Variants in G3BP1 observed in about 807,000 individuals in gnomAD.
G3BP1 encodes the protein G3BP stress granule assembly factor 1.
G3BP1 carries 35 observed loss-of-function variants against 58.6 expected under a neutral mutation model. The ratio of observed to expected loss-of-function variants is 0.60; its 90% CI spans 0.46 to 0.79. The LOEUF (loss-of-function observed/expected upper bound fraction) is 0.79, where lower values mean the gene tolerates loss of function less well. Among genes scored for constraint, G3BP1 ranks in the 30% least tolerant of loss-of-function variants. The pLI is 0.00. For synonymous variants in G3BP1, 191 were observed against 195.4 expected, an observed-to-expected ratio of 0.98 and a Z score of 0.19; for missense variants, 523 against 580.8, an observed-to-expected ratio of 0.90 and a Z score of 1.02.
chr5:151,781,244 G>T (rs1055093830), intron 1 of G3BP1, among the ~76,000 whole-genome samples: 1 of 152,018 alleles, frequency 6.6e-6, no homozygotes, highest in Admixed American at 6.6e-5. Flanking sequence ...GACCATTCAG[G>T]GCACCATTTG....
rs1381299825 is a variant in G3BP1, at chr5:151,810,965, A to G, written c.*6874A>G. The G allele has an allele frequency of 2.0e-5, 3 of 152,192 alleles. No individual in the cohort carries two copies. Among genetic ancestry groups the G allele is most frequent in the Non-Finnish European group, 4.4e-5 (3 of 68,026 alleles). 9.4% of individuals were successfully genotyped at this position (152,192 alleles called of 1,614,324 possible). On this transcript the variant is annotated 3_prime_UTR_variant, in exon 12 of 12. Coordinates refer to ENST00000356245, the MANE Select transcript of G3BP1 (RefSeq NM_005754.3). ...GTTTGTTTCTATGCAGAAGAATTTTATATGAAATTTTCATTTCTTTGCAAA... is the reference window on the plus strand; with the variant it reads ...GTTTGTTTCTATGCAGAAGAATTTTGTATGAAATTTTCATTTCTTTGCAAA...
At chr5:151,788,498 A>G (rs563110867) in intron 2 of G3BP1, among the ~76,000 whole-genome samples, 1 of 150,636 alleles carries the variant, frequency 6.6e-6, no homozygotes, top group South Asian at 2.1e-4. Flanking sequence ...TCCAGGGCTC[A>G]AGTGATCCTC....
rs759453300 is a variant in G3BP1 at position 151,786,590 on chromosome 5, C to CTT, written c.-28_-27dup. ...CCTTCAGGTTTGGACATATTTGACT[C>CTT]TTTTCCCCCCAGGTTGAATTGACCA... On this transcript the variant is annotated 5_prime_UTR_variant, in exon 2 of 12. Transcript: ENST00000356245. The CTT allele has an allele frequency of 2.1e-6, 3 of 1,418,084 alleles. No homozygotes were observed. The allele number at this position is 1,418,084 out of a possible 1,614,324, so 87.8% of individuals were successfully genotyped here.
At position 151,797,284 on chromosome 5, in the gene G3BP1, A is replaced by G; in HGVS notation, c.597A>G (p.Glu199=). ...TTGCTGAACCAGAGCCTGATCCTGA[A>G]CCAGAACCAGAACAAGAACCTGTAT... ...EPVAEPEPDP[E]PEPEQEPVSE... Residue 199 remains glutamate (E), a synonymous_variant, in exon 7 of 12, where the codon GAA becomes GAG. Transcript: ENST00000356245. 1.2e-6 allele frequency: 2 copies of G among 1,612,504 alleles called. No homozygotes were observed. Among genetic ancestry groups the G allele is most frequent in the Admixed American group, 1.7e-5 (1 of 60,004 alleles).
intron 1 of G3BP1, among the ~76,000 whole-genome samples, chr5:151,779,769 A>G (rs1762435825): frequency 6.6e-6 from 1 of 152,226 alleles, no homozygotes; most frequent in Non-Finnish European, 1.5e-5. Flanking sequence ...TTTCAATCTT[A>G]AAAGTGCTCT....
chr5:151,777,995 G>T (rs1222050765), intron 1 of G3BP1, among the ~76,000 whole-genome samples: 1 of 152,034 alleles, frequency 6.6e-6, no homozygotes, highest in Non-Finnish European at 1.5e-5. Flanking sequence ...CTGTTGGTGG[G>T]CATTGAAAAA....
rs1010207677 is a variant in G3BP1, at chr5:151,807,144, T to C, written c.*3053T>C. On this transcript the variant is annotated 3_prime_UTR_variant, in exon 12 of 12. Transcript: ENST00000356245. ...CCAAAAATAATAATTTGACTTTGGT[T>C]GAGTATGTCATTACCACAGTGTTAG... The C allele has an allele frequency of 3.3e-5, 5 of 152,206 alleles. No individual in the cohort carries two copies. The highest frequency in any genetic ancestry group is 1.2e-4 in the African/African-American group (5 of 41,444). 9.4% of individuals were successfully genotyped at this position (152,206 alleles called of 1,614,324 possible).
chr5:151,810,188 G>T lies in G3BP1; in HGVS notation c.*6097G>T, dbSNP rs1353119703. The T allele has an allele frequency of 1.1e-4, 16 of 152,200 alleles. No homozygotes were observed. Among genetic ancestry groups the T allele is most frequent in the Admixed American group, 1.0e-3 (16 of 15,280 alleles). 9.4% of individuals were successfully genotyped at this position (152,200 alleles called of 1,614,324 possible). A position where few individuals can be genotyped will look rare whatever the true frequency, so the allele number is the denominator to read the frequency against. On this transcript the variant is annotated 3_prime_UTR_variant, in exon 12 of 12. Coordinates refer to ENST00000356245, the MANE Select transcript of G3BP1 (RefSeq NM_005754.3). Reference sequence around the variant, plus strand: ...TATTTCTCCCACTCTTCATGGAAGTGATGCTCCAGCCTTGCTAAAACACTG... The same window carrying T: ...TATTTCTCCCACTCTTCATGGAAGTTATGCTCCAGCCTTGCTAAAACACTG...
At chr5:151,797,098 A>C in intron 6 of G3BP1, 129 bp from the exon 7 acceptor site, 2 of 804,064 alleles carry the variant, frequency 2.5e-6, no homozygotes, top group Non-Finnish European at 4.0e-6. Flanking sequence ...TAGATATACA[A>C]TTCTTAGATT....
In G3BP1 at chr5:151,810,659, C is replaced by T. The variant is rs1052593772; in HGVS notation, c.*6568C>T. The T allele has an allele frequency of 6.6e-6, 1 of 152,190 alleles. No individual in the cohort carries two copies. Among genetic ancestry groups the T allele is most frequent in the Admixed American group, 6.5e-5 (1 of 15,282 alleles). The allele number at this position is 152,190 out of a possible 1,614,324, so 9.4% of individuals were successfully genotyped here. A position where few individuals can be genotyped will look rare whatever the true frequency, so the allele number is the denominator to read the frequency against. The stretch of plus-strand genomic sequence containing the variant: ...CTAGGGAGTTCATCTCTGTATTCCA[C>T]CAGAAGGTACAGTGACTCATAACTA... On this transcript the variant is annotated 3_prime_UTR_variant, in exon 12 of 12. Transcript: ENST00000356245.
chr5:151,777,934 A>ATTTTTTTTTTTTTTTTTTTTTTTT (rs1762401337), intron 1 of G3BP1, among the ~76,000 whole-genome samples: 1 of 147,346 alleles, frequency 6.8e-6, no homozygotes, highest in African/African-American at 2.7e-5. Context: ...TCTTTTTTTA[A>ATTTTTTTTTTTTTTTTTTTTTTTT]TTGCTCAGTG....
chr5:151,773,682 G>A (rs1374590482), intron 1 of G3BP1, among the ~76,000 whole-genome samples: 1 of 152,138 alleles, frequency 6.6e-6, no homozygotes, highest in Non-Finnish European at 1.5e-5. Context: ...TTCTATAACA[G>A]TATTATAATA....
chr5:151,809,937 C>CT lies in G3BP1; in HGVS notation c.*5847dup, dbSNP rs1209194542. On this transcript the variant is annotated 3_prime_UTR_variant, in exon 12 of 12. Coordinates refer to ENST00000356245, the MANE Select transcript of G3BP1 (RefSeq NM_005754.3). Reference sequence around the variant, plus strand: ...CCCTCAGGGATGGGTTTACTACTAGCTGTCAGAAAGCTATTGGGTATCCTA... The same window carrying CT: ...CCCTCAGGGATGGGTTTACTACTAGCTTGTCAGAAAGCTATTGGGTATCCTA... 5 of 152,314 alleles carry CT rather than the reference C, an allele frequency of 3.3e-5. No homozygotes were observed. The highest frequency in any genetic ancestry group is 2.0e-4 in the Admixed American group (3 of 15,306). The allele number at this position is 152,314 out of a possible 1,614,324, so 9.4% of individuals were successfully genotyped here.
At chr5:151,777,028 C>A (rs1283498910) in intron 1 of G3BP1, among the ~76,000 whole-genome samples, 1 of 151,626 alleles carries the variant, frequency 6.6e-6, no homozygotes, top group Admixed American at 6.6e-5. Context: ...TGTCTCAGGT[C>A]CAGAATCAAC....
intron 2 of G3BP1, among the ~76,000 whole-genome samples, chr5:151,788,477 C>T (rs1443966365): frequency 2.6e-5 from 4 of 151,540 alleles, no homozygotes; most frequent in African/African-American, 9.7e-5. Flanking sequence ...TAGCTTACTA[C>T]AGCCTTGACC....
At position 151,805,124 on chromosome 5, in the gene G3BP1, AT is replaced by A. The variant is rs995308927; in HGVS notation, c.*1038del. The A allele has an allele frequency of 6.6e-6, 1 of 152,500 alleles. No homozygotes were observed. Among genetic ancestry groups the A allele is most frequent in the Non-Finnish European group, 1.5e-5 (1 of 68,000 alleles). 9.4% of individuals were successfully genotyped at this position (152,500 alleles called of 1,614,324 possible). ...TTGACCTAAATAGTTCAGCATTTGT[AT>A]TTTTATTCTGGTATCTAATCAGATT... On this transcript the variant is annotated 3_prime_UTR_variant, in exon 12 of 12. Coordinates refer to ENST00000356245, the MANE Select transcript of G3BP1 (RefSeq NM_005754.3).
intron 1 of G3BP1, among the ~76,000 whole-genome samples, chr5:151,784,909 C>G (rs778241111): frequency 2.2e-4 from 33 of 152,102 alleles, no homozygotes; most frequent in Non-Finnish European, 4.7e-4. Flanking sequence ...TGAGGCAAAT[C>G]TAATGTTGAA....
At position 151,812,114 on chromosome 5, in the gene G3BP1, C is replaced by T. The variant is rs1217577373; in HGVS notation, c.*8023C>T. 6.6e-6 allele frequency: 1 copy of T among 152,162 alleles called. No homozygotes were observed. Among genetic ancestry groups the T allele is most frequent in the Non-Finnish European group, 1.5e-5 (1 of 68,036 alleles). The allele number at this position is 152,162 out of a possible 1,614,324, so 9.4% of individuals were successfully genotyped here. On this transcript the variant is annotated 3_prime_UTR_variant, in exon 12 of 12. Coordinates refer to ENST00000356245, the MANE Select transcript of G3BP1 (RefSeq NM_005754.3). ...TGTTGCTGAGCTAATTCATGCTGCC[C>T]AGCTAAGCACATTTTCTACATCCCC...
Position 151,799,299 on chromosome 5 carries a change from G to C in G3BP1, c.829G>C (p.Val277Leu). ...VTGIPPHVVK[V>L]PASQPRPESK... ...TGGGATACCACCTCATGTTGTTAAA[G>C]TACCAGCTTCACAGGTAAGGTCCTA... The change falls in exon 8 of 12, where the codon GTA becomes CTA. Residue 277 changes from valine to leucine, a missense_variant. Transcript: ENST00000356245. The C allele has an allele frequency of 6.4e-7, 1 of 1,555,976 alleles. No individual in the cohort carries two copies. The highest frequency in any genetic ancestry group is 8.9e-7 in the Non-Finnish European group (1 of 1,127,048).
Sources: gnomAD v4.1 joint callset for allele counts (sites outside exome capture counted in the v4.1 genomes callset) on GRCh38, gnomAD v4.1.1 for gene constraint, MANE v1.5 for transcripts, NCBI Gene and HGNC (gene_info 2026-07-23, HGNC 2026-07-21) for gene names.